Variants in PLCB1 observed in about 807,000 individuals in gnomAD.
PLCB1 encodes phospholipase C beta 1.
PLCB1 carries 46 observed loss-of-function variants against 161.8 expected under a neutral mutation model. That is an observed-to-expected ratio of 0.28 (90% confidence interval 0.22 to 0.36). The LOEUF (loss-of-function observed/expected upper bound fraction) is 0.36. Ranked by LOEUF, PLCB1 falls within the 10% of genes least tolerant of loss-of-function variation. The pLI is 1.00. For missense variants in PLCB1, 1,016 were observed against 1,472.5 expected (o/e 0.69, Z 5.07); for synonymous variants, 517 against 503.7 (o/e 1.03, Z -0.35).
intron 2 of PLCB1, among the ~76,000 whole-genome samples, chr20:8,229,869 A>AAAAT (rs756579613): frequency 0.43 from 59,515 of 137,964 alleles, 13,997 homozygotes; most frequent in East Asian, 0.59. Context: ...AAAATAAAAT[A>AAAAT]AAATAAAATA....
At chr20:8,830,095 C>A (rs559275068) in intron 31 of PLCB1, among the ~76,000 whole-genome samples, 150 of 152,292 alleles carry the variant, frequency 9.8e-4, no homozygotes, top group Non-Finnish European at 1.7e-3. Context: ...AGCTTCACTG[C>A]GTATCGTTTC....
At chr20:8,534,213 C>G (rs1984950192) in intron 3 of PLCB1, among the ~76,000 whole-genome samples, 1 of 152,158 alleles carries the variant, frequency 6.6e-6, no homozygotes, top group Admixed American at 6.5e-5. Context: ...AGGAACACTC[C>G]TAGCCTCCCC....
At chr20:8,781,721 TA>T (rs1983249004) in intron 27 of PLCB1, among the ~76,000 whole-genome samples, 1 of 152,176 alleles carries the variant, frequency 6.6e-6, no homozygotes, top group Non-Finnish European at 1.5e-5. Flanking sequence ...GGAGGCCTCA[TA>T]ATCATGGCAG....
At chr20:8,336,483 A>G (rs1004402934) in intron 2 of PLCB1, among the ~76,000 whole-genome samples, 5 of 152,162 alleles carry the variant, frequency 3.3e-5, no homozygotes, top group Non-Finnish European at 7.4e-5. Flanking sequence ...GCTTGCCATG[A>G]GTACAATAGC....
At chr20:8,450,980 T>C (rs1275085778) in intron 3 of PLCB1, among the ~76,000 whole-genome samples, 2 of 152,240 alleles carry the variant, frequency 1.3e-5, no homozygotes, top group South Asian at 2.1e-4. Flanking sequence ...GCAGTACCAG[T>C]GAAAAATATG....
intron 3 of PLCB1, among the ~76,000 whole-genome samples, chr20:8,389,660 C>T (rs554886840): frequency 1.3e-5 from 2 of 152,250 alleles, no homozygotes; most frequent in Admixed American, 6.5e-5. Context: ...TTCTTTTAAA[C>T]GCAATAATGC....
intron 26 of PLCB1, among the ~76,000 whole-genome samples, chr20:8,770,047 G>T (rs1263103217): frequency 6.6e-6 from 1 of 152,014 alleles, no homozygotes; most frequent in African/African-American, 2.4e-5. Flanking sequence ...CCGCCTCCCG[G>T]GTTCATGCCA....
Position 8,402,805 on chromosome 20 carries a change from A to T in PLCB1, c.246+31355A>T, listed in dbSNP as rs558857231. On this transcript the variant is annotated intron_variant, in intron 3 of 31. Coordinates refer to ENST00000338037, the MANE Select transcript of PLCB1 (RefSeq NM_015192.4). ...GCTTGCAGTCAGCCGAGATCGTGCC[A>T]CTGCACTCCAGCCTGGGCAACAGAG... Among the ~76,000 whole-genome samples, 268 of 152,222 alleles carry T rather than the reference A, an allele frequency of 1.8e-3. 3 individuals carry two copies. The highest frequency in any genetic ancestry group is 5.8e-3 in the African/African-American group (243 of 41,546).
At chr20:8,460,040 A>G (rs868701566) in intron 3 of PLCB1, among the ~76,000 whole-genome samples, 8 of 152,202 alleles carry the variant, frequency 5.3e-5, no homozygotes, top group Admixed American at 2.0e-4. Context: ...GGGTGGATGG[A>G]AAAGACTTAA....
At chr20:8,265,955 C>G (rs1234855193) in intron 2 of PLCB1, among the ~76,000 whole-genome samples, 1 of 152,102 alleles carries the variant, frequency 6.6e-6, no homozygotes, top group Non-Finnish European at 1.5e-5. Context: ...CCATATTTAC[C>G]TGGATACTTA....
chr20:8,514,022 A>G (rs553281607), intron 3 of PLCB1, among the ~76,000 whole-genome samples: 46 of 152,132 alleles, frequency 3.0e-4, no homozygotes, highest in African/African-American at 1.1e-3. Context: ...TCCCTGTCTC[A>G]AAAAAATCAA....
At chr20:8,447,772 C>T (rs1600407717) in intron 3 of PLCB1, among the ~76,000 whole-genome samples, 1 of 152,114 alleles carries the variant, frequency 6.6e-6, no homozygotes, top group Admixed American at 6.5e-5. Context: ...AATCACTATG[C>T]GGAATATGAT....
At chr20:8,584,268 A>C (rs2327046) in intron 3 of PLCB1, among the ~76,000 whole-genome samples, 75,567 of 151,872 alleles carry the variant, frequency 0.5, 21,070 homozygotes, top group African/African-American at 0.76. Context: ...TGCCTCACAC[A>C]AAGTAGGAAT....
At chr20:8,827,717 T>C (rs2146272823) in intron 31 of PLCB1, among the ~76,000 whole-genome samples, 1 of 152,324 alleles carries the variant, frequency 6.6e-6, no homozygotes, top group East Asian at 1.9e-4. Context: ...TCCAGGCCAG[T>C]GCCTCTGTTT....
chr20:8,750,090 C>A (rs1293001938), intron 23 of PLCB1, among the ~76,000 whole-genome samples: 2 of 152,056 alleles, frequency 1.3e-5, no homozygotes, highest in African/African-American at 4.8e-5. Context: ...ATTTATACAT[C>A]TATGTGTAAA....
At chr20:8,590,734 G>C (rs551982496) in intron 3 of PLCB1, among the ~76,000 whole-genome samples, 2 of 152,012 alleles carry the variant, frequency 1.3e-5, no homozygotes, top group Non-Finnish European at 2.9e-5. Context: ...CATGTCTCTG[G>C]TTCTTTCTTC....
intron 4 of PLCB1, among the ~76,000 whole-genome samples, chr20:8,645,089 T>C (rs1342617284): frequency 6.6e-6 from 1 of 152,018 alleles, no homozygotes; most frequent in African/African-American, 2.4e-5. Context: ...CGGTGCAAGA[T>C]GTGCTTTGTT....
Position 8,524,743 on chromosome 20 carries a change from T to C in PLCB1, c.247-103551T>C, listed in dbSNP as rs375705616. On this transcript the variant is annotated intron_variant, in intron 3 of 31. Coordinates refer to ENST00000338037, the MANE Select transcript of PLCB1 (RefSeq NM_015192.4). ...TGACACTCTTTGTAAGCCAGAGTTG[T>C]TTTGTTTGTATGAAAAGTGGCAGTG... 2.0e-5 allele frequency among the ~76,000 whole-genome samples: 3 copies of C among 152,282 alleles called. No individual in the cohort carries two copies. In the East Asian group the frequency reaches 5.8e-4, roughly 29 times the overall value.
intron 3 of PLCB1, among the ~76,000 whole-genome samples, chr20:8,570,707 TC>T: frequency 6.6e-6 from 1 of 152,026 alleles, no homozygotes; most frequent in Admixed American, 6.6e-5. Context: ...GGAGCTGAAA[TC>T]CCAGTGAAGG....
Sources: gnomAD v4.1 joint callset for allele counts (sites outside exome capture counted in the v4.1 genomes callset) on GRCh38, gnomAD v4.1.1 for gene constraint, MANE v1.5 for transcripts, NCBI Gene and HGNC (gene_info 2026-07-23, HGNC 2026-07-21) for gene names.